The following CDC73 variants were observed in gnomAD, a reference collection of about 807,000 sequenced individuals.
CDC73 encodes cell division cycle 73.
A neutral mutation model predicts 83.7 loss-of-function variants in CDC73; 21 were observed. The ratio of observed to expected loss-of-function variants is 0.25; its 90% CI spans 0.18 to 0.36. The LOEUF is 0.36. Ranked by LOEUF, CDC73 falls within the 10% of genes least tolerant of loss-of-function variation. CDC73 has a pLI of 1.00. For missense variants in CDC73, 342 were observed against 653.3 expected (o/e 0.52, Z 5.19); for synonymous variants, 224 against 212.9 (o/e 1.05, Z -0.45).
chr1:193,185,663 A>G (rs187268349), intron 10 of CDC73, among the ~76,000 whole-genome samples: 1 of 152,262 alleles, frequency 6.6e-6, no homozygotes, highest in East Asian at 1.9e-4. Context: ...AATTTACTAG[A>G]TAAGGATTCA....
rs184956182 is a variant in CDC73 at position 193,150,818 on chromosome 1, C to T, written c.907+436C>T. On this transcript the variant is annotated intron_variant, in intron 9 of 16. Transcript: ENST00000367435. ...ATTAAAATGTTATTATAGTGCCTGT[C>T]TCTTACCATTATTGTGAGTATTGGA... 9.5e-4 allele frequency among the ~76,000 whole-genome samples: 144 copies of T among 152,244 alleles called. 1 individual carries two copies. The highest frequency in any genetic ancestry group is 9.4e-3 in the Admixed American group (143 of 15,288).
At chr1:193,205,195 TC>T (rs34118735) in intron 11 of CDC73, among the ~76,000 whole-genome samples, 9,768 of 64,380 alleles carry the variant, frequency 0.15, 875 homozygotes, top group Non-Finnish European at 0.19. Context: ...ATACCACCTG[TC>T]CCCCCCCCCC....
At chr1:193,249,593 AC>A (rs1572226089) in intron 15 of CDC73, 136 bp from the exon 16 acceptor site, 3 of 696,414 alleles carry the variant, frequency 4.3e-6, no homozygotes, top group Non-Finnish European at 7.4e-6. Context: ...GCGTGTATAA[AC>A]CCTGAATGTT....
chr1:193,138,261 A>G (rs971623718), intron 6 of CDC73, 88 bp downstream of exon 6: 15 of 890,864 alleles, frequency 1.7e-5, no homozygotes, highest in Non-Finnish European at 2.5e-5. Context: ...CTCCACATTT[A>G]CATTTACCTC....
chr1:193,199,909 C>T (rs1159776477), intron 10 of CDC73, among the ~76,000 whole-genome samples: 1 of 151,774 alleles, frequency 6.6e-6, no homozygotes, highest in African/African-American at 2.4e-5. Context: ...AGATAGGAAA[C>T]TCCTGGAGTC....
chr1:193,196,744 G>C (rs1677009046), intron 10 of CDC73, among the ~76,000 whole-genome samples: 1 of 151,878 alleles, frequency 6.6e-6, no homozygotes, highest in Non-Finnish European at 1.5e-5. Context: ...TTTACTTTTT[G>C]GACCATCTAT....
intron 13 of CDC73, among the ~76,000 whole-genome samples, chr1:193,218,973 T>C (rs1248098509): frequency 1.3e-5 from 2 of 152,070 alleles, no homozygotes; most frequent in African/African-American, 2.4e-5. Flanking sequence ...ACAGACAACA[T>C]ACAGAATGGG....
At chr1:193,245,139 G>A (rs756788332) in intron 15 of CDC73, among the ~76,000 whole-genome samples, 3 of 152,072 alleles carry the variant, frequency 2.0e-5, no homozygotes, top group Non-Finnish European at 4.4e-5. Context: ...ATCATTCTTT[G>A]TTTTGGGAAT....
intron 5 of CDC73, 131 bp from the exon 6 acceptor site, chr1:193,137,954 G>A (rs991751534): frequency 2.8e-6 from 2 of 717,620 alleles, no homozygotes; most frequent in African/African-American, 3.6e-5. Context: ...TAGTCTTGAA[G>A]TTGGCCTAAA....
At chr1:193,160,071 C>G (rs952980520) in intron 10 of CDC73, among the ~76,000 whole-genome samples, 1 of 152,142 alleles carries the variant, frequency 6.6e-6, no homozygotes, top group African/African-American at 2.4e-5. Flanking sequence ...CTGGTTGATA[C>G]ATTTTGTGTA....
chr1:193,227,078 T>G (rs550330982), intron 13 of CDC73, among the ~76,000 whole-genome samples: 4 of 152,164 alleles, frequency 2.6e-5, no homozygotes, highest in Admixed American at 2.6e-4. Context: ...TATCCATATA[T>G]TCTAGGTTTT....
chr1:193,210,752 GT>G (rs1677264558), intron 11 of CDC73, among the ~76,000 whole-genome samples: 1 of 152,022 alleles, frequency 6.6e-6, no homozygotes, highest in South Asian at 2.1e-4. Context: ...GAAGATTTGT[GT>G]ATGTATAACA....
chr1:193,223,350 C>T (rs1677506434), intron 13 of CDC73, among the ~76,000 whole-genome samples: 1 of 152,092 alleles, frequency 6.6e-6, no homozygotes, highest in Admixed American at 6.6e-5. Flanking sequence ...AGATGTGCAT[C>T]TGTGTCTGTT....
intron 1 of CDC73, among the ~76,000 whole-genome samples, chr1:193,124,828 C>G (rs1247350513): frequency 6.6e-6 from 1 of 152,166 alleles, no homozygotes; most frequent in Non-Finnish European, 1.5e-5. Flanking sequence ...TTAGATTTCT[C>G]TATTGGTAAA....
chr1:193,152,488 T>C, intron 10 of CDC73, 44 bp downstream of exon 10: 1 of 1,208,436 alleles, frequency 8.3e-7, no homozygotes, highest in Non-Finnish European at 1.2e-6. Context: ...CCAGGGATTT[T>C]ATGTGAGTAG....
chr1:193,189,000 C>T (rs1361280888), intron 10 of CDC73, among the ~76,000 whole-genome samples: 1 of 149,944 alleles, frequency 6.7e-6, no homozygotes, highest in Non-Finnish European at 1.5e-5. Context: ...ATTGCCCAGG[C>T]TGGGGTACAG....
chr1:193,199,263 A>G (rs1253257058), intron 10 of CDC73, among the ~76,000 whole-genome samples: 2 of 152,098 alleles, frequency 1.3e-5, no homozygotes, highest in African/African-American at 2.4e-5. Flanking sequence ...CAGGTTTCTC[A>G]AAACACTCTT....
At chr1:193,224,525 ATGAAATATGCATTCACATATACACATG>A (rs1558316818) in intron 13 of CDC73, among the ~76,000 whole-genome samples, 67 of 152,216 alleles carry the variant, frequency 4.4e-4, no homozygotes, top group African/African-American at 1.4e-3. Flanking sequence ...ATACACATAT[ATGAAATATGCATTCACATATACACATG>A]TGAAATATGC....
intron 15 of CDC73, among the ~76,000 whole-genome samples, chr1:193,242,792 T>C (rs769085033): frequency 1.3e-5 from 2 of 152,210 alleles, no homozygotes; most frequent in African/African-American, 2.4e-5. Flanking sequence ...TTGATCTCTT[T>C]TGCTTTGTTG....
Sources: gnomAD v4.1 joint callset for allele counts (sites outside exome capture counted in the v4.1 genomes callset) on GRCh38, gnomAD v4.1.1 for gene constraint, MANE v1.5 for transcripts, NCBI Gene and HGNC (gene_info 2026-07-23, HGNC 2026-07-21) for gene names.